Variants in TPCN1 observed in about 807,000 individuals in gnomAD.
TPCN1 encodes the protein two pore channel protein 1.
In TPCN1, 52 loss-of-function variants were observed where a neutral mutation model predicts 108.8. The observed-to-expected ratio is 0.48, with a 90% CI of 0.38 to 0.60. TPCN1 has a LOEUF of 0.60. Among genes scored for constraint, TPCN1 ranks in the 20% least tolerant of loss-of-function variants. TPCN1 has a pLI of 0.00. For missense variants in TPCN1, 806 were observed against 1,072.8 expected (o/e 0.75, Z 3.47); for synonymous variants, 446 against 433.7 (o/e 1.03, Z -0.35).
intron 7 of TPCN1, among the ~76,000 whole-genome samples, chr12:113,271,653 C>T (rs1340589653): frequency 6.6e-6 from 1 of 152,198 alleles, no homozygotes; most frequent in Non-Finnish European, 1.5e-5. Flanking sequence ...GCAAGTATGC[C>T]AAAGCTTGTT....
intron 10 of TPCN1, 62 bp from the exon 11 acceptor site, chr12:113,276,857 C>G: frequency 8.7e-7 from 1 of 1,143,648 alleles, no homozygotes; most frequent in Non-Finnish European, 1.3e-6. Flanking sequence ...TCATACCCCC[C>G]TGCACTCCCT....
chr12:113,273,819 G>A lies in TPCN1; in HGVS notation c.942+151G>A. The A allele has an allele frequency of 1.3e-6, 1 of 747,734 alleles. No individual in the cohort carries two copies. The highest frequency in any genetic ancestry group is 2.0e-5 in the Admixed American group (1 of 50,630). 46.3% of individuals were successfully genotyped at this position (747,734 alleles called of 1,614,324 possible). ...TCCCAGATTCATAGTCAGGTGCGGT[G>A]TTGCAGGGAATGCCCTGTCGGGACT... On this transcript the variant is annotated intron_variant, in intron 10 of 27. Coordinates refer to ENST00000335509, the MANE Select transcript of TPCN1 (RefSeq NM_017901.6). This position sits in a 1 kb window ranked among gnomAD's most constrained non-coding sequence, Gnocchi z 4.0.
Position 113,276,836 on chromosome 12 carries a change from A to G in TPCN1, c.943-83A>G, listed in dbSNP as rs547125028. 959 of 904,034 alleles carry G rather than the reference A, an allele frequency of 1.1e-3. 1 individual carries two copies. Among genetic ancestry groups the G allele is most frequent in the Admixed American group, 2.3e-3 (136 of 57,922 alleles). The allele number at this position is 904,034 out of a possible 1,614,324, so 56.0% of individuals were successfully genotyped here. ...GGGTGACTGGGTAAGAGCCTTGCCTAGATGATGAACTCATACCCCCCTGCA... is the reference window on the plus strand; with the variant it reads ...GGGTGACTGGGTAAGAGCCTTGCCTGGATGATGAACTCATACCCCCCTGCA... On this transcript the variant is annotated intron_variant, in intron 10 of 27. Transcript: ENST00000335509.
chr12:113,295,857 C>T (rs1466399948), intron 27 of TPCN1, 103 bp from the exon 28 acceptor site: 1 of 1,314,520 alleles, frequency 7.6e-7, no homozygotes, highest in African/African-American at 1.5e-5. Context: ...GCTGGCAGCC[C>T]TGCCCCTTCC....
chr12:113,269,685 T>C lies in TPCN1; in HGVS notation c.660-72T>C. 1.5e-6 allele frequency: 2 copies of C among 1,313,130 alleles called. No homozygotes were observed. The highest frequency in any genetic ancestry group is 3.6e-5 in the Admixed American group (2 of 56,284). The allele number at this position is 1,313,130 out of a possible 1,614,324, so 81.3% of individuals were successfully genotyped here. A position where few individuals can be genotyped will look rare whatever the true frequency, so the allele number is the denominator to read the frequency against. On this transcript the variant is annotated intron_variant, in intron 6 of 27. Transcript: ENST00000335509. The surrounding 1 kb of genome is among the most constrained non-coding windows in gnomAD (Gnocchi z 5.0). ...TCGAGTCAGAAGCACTAGGCCTCCA[T>C]CTCAACAAGGAGGAGTCCCAGGCAG...
At position 113,288,743 on chromosome 12, in the gene TPCN1, C is replaced by T. The variant is rs201374877; in HGVS notation, c.1707-15C>T. ...CCTGCCGGCCCCGCGTCACCCTGCC[C>T]CTGTCGCCCCACAGCCTGGGCCTCA... On this transcript the variant is annotated splice_polypyrimidine_tract_variant and intron_variant, in intron 20 of 27. Transcript: ENST00000335509. The surrounding 1 kb of genome is among the most constrained non-coding windows in gnomAD (Gnocchi z 4.8). 2.3e-4 allele frequency: 372 copies of T among 1,611,144 alleles called. 1 individual carries two copies. The highest frequency in any genetic ancestry group is 4.6e-5 in the Non-Finnish European group (54 of 1,179,942).
intron 14 of TPCN1, among the ~76,000 whole-genome samples, chr12:113,279,949 G>A (rs796346347): frequency 6.6e-6 from 1 of 152,120 alleles, no homozygotes; most frequent in South Asian, 2.1e-4. Context: ...TCTTGTCTGG[G>A]GGTCTGAGCA....
At chr12:113,295,927 A>G in intron 27 of TPCN1, 33 bp from the exon 28 acceptor site, 1 of 1,544,532 alleles carries the variant, frequency 6.5e-7, no homozygotes, top group East Asian at 2.4e-5. Flanking sequence ...GGTGGGGTGC[A>G]GCCCTCAGCA....
chr12:113,276,125 C>T (rs1955665352), intron 10 of TPCN1, among the ~76,000 whole-genome samples: 1 of 152,144 alleles, frequency 6.6e-6, no homozygotes, highest in African/African-American at 2.4e-5. Context: ...TTAGTAGTCG[C>T]AGCAGAGATC....
At chr12:113,228,498 C>T (rs891859449) in intron 2 of TPCN1, among the ~76,000 whole-genome samples, 5 of 152,070 alleles carry the variant, frequency 3.3e-5, no homozygotes, top group Admixed American at 3.3e-4. Flanking sequence ...GCCTGTAGTC[C>T]CAGCTACTCA....
chr12:113,287,277 G>A (rs1031026530), intron 19 of TPCN1, 183 bp downstream of exon 19: 4 of 595,616 alleles, frequency 6.7e-6, no homozygotes, highest in Non-Finnish European at 1.2e-5. Context: ...CAGGCTGCCT[G>A]TGCCCTTCCC....
In TPCN1 at chr12:113,284,644, C is replaced by T. The variant is rs201250625; in HGVS notation, c.1399+7C>T. 3.8e-5 allele frequency: 62 copies of T among 1,614,210 alleles called. No homozygotes were observed. The Admixed American group carries it at 9.0e-4, about 23-fold the overall frequency. ...GAGACATTTATGCTGAAAGGTGAGC[C>T]CCGCTCAGGGACTGGCCGTGTCCTG... On this transcript the variant is annotated splice_region_variant and intron_variant, in intron 16 of 27. Transcript: ENST00000335509. The surrounding 1 kb of genome is among the most constrained non-coding windows in gnomAD (Gnocchi z 4.1).
intron 2 of TPCN1, among the ~76,000 whole-genome samples, chr12:113,227,742 C>T (rs540376395): frequency 2.8e-4 from 42 of 152,272 alleles, no homozygotes; most frequent in African/African-American, 9.9e-4. Context: ...GATGTTCCAC[C>T]GTCTCCCAGT....
Position 113,277,045 on chromosome 12 carries a change from A to G in TPCN1, c.1059+10A>G, listed in dbSNP as rs745894919. 4 of 1,611,884 alleles carry G rather than the reference A, an allele frequency of 2.5e-6. No homozygotes were observed. In the Admixed American group the frequency reaches 6.7e-5, roughly 27 times the overall value. ...GCTCATCAGCCAGAGGGTAGGAACTATGGGCCAGGGAGGGGCTTGGTCCCT... is the reference window on the plus strand; with the variant it reads ...GCTCATCAGCCAGAGGGTAGGAACTGTGGGCCAGGGAGGGGCTTGGTCCCT... On this transcript the variant is annotated intron_variant, in intron 11 of 27. Coordinates refer to ENST00000335509, the MANE Select transcript of TPCN1 (RefSeq NM_017901.6).
At chr12:113,252,247 G>T (rs1481786471) in intron 2 of TPCN1, among the ~76,000 whole-genome samples, 1 of 152,190 alleles carries the variant, frequency 6.6e-6, no homozygotes, top group Non-Finnish European at 1.5e-5. Context: ...GGAGAAACCT[G>T]TTGCTGGGAG....
At chr12:113,276,182 A>C (rs953942607) in intron 10 of TPCN1, among the ~76,000 whole-genome samples, 2 of 152,228 alleles carry the variant, frequency 1.3e-5, no homozygotes, top group Non-Finnish European at 2.9e-5. Flanking sequence ...CCCTTTACAG[A>C]AAAAGCATGC....
chr12:113,239,401 G>A (rs1954018328), intron 2 of TPCN1, among the ~76,000 whole-genome samples: 1 of 152,206 alleles, frequency 6.6e-6, no homozygotes, highest in African/African-American at 2.4e-5. Context: ...GTTAATGGCT[G>A]TTGTTTTAGG....
rs1318005071 is a variant in TPCN1, at chr12:113,266,583, C to T, written c.414+227C>T. Among the ~76,000 whole-genome samples the T allele has an allele frequency of 2.6e-5, 4 of 152,204 alleles. No homozygotes were observed. Among genetic ancestry groups the T allele is most frequent in the Non-Finnish European group, 5.9e-5 (4 of 68,030 alleles). Reference sequence around the variant, plus strand: ...TGGGATTCTGCCCACCAGTAAATTCCAGGGAGGGGAAGTGTCCCAGGCCCT... The same window carrying T: ...TGGGATTCTGCCCACCAGTAAATTCTAGGGAGGGGAAGTGTCCCAGGCCCT... On this transcript the variant is annotated intron_variant, in intron 4 of 27. Coordinates refer to ENST00000335509, the MANE Select transcript of TPCN1 (RefSeq NM_017901.6). This position sits in a 1 kb window ranked among gnomAD's most constrained non-coding sequence, Gnocchi z 4.2.
Position 113,288,107 on chromosome 12 carries a change from G to A in TPCN1, c.1635-56G>A. ...AAGGCGGGGCCGGCATGTTCTGAGG[G>A]CGGGGGCTGAGGCGTGCACCTGTGT... On this transcript the variant is annotated intron_variant, in intron 19 of 27. Coordinates refer to ENST00000335509, the MANE Select transcript of TPCN1 (RefSeq NM_017901.6). This position sits in a 1 kb window ranked among gnomAD's most constrained non-coding sequence, Gnocchi z 4.8. 1 of 1,531,916 alleles carries A rather than the reference G, an allele frequency of 6.5e-7. No individual in the cohort carries two copies. The highest frequency in any genetic ancestry group is 8.9e-7 in the Non-Finnish European group (1 of 1,118,806). The allele number at this position is 1,531,916 out of a possible 1,614,324, so 94.9% of individuals were successfully genotyped here.
Sources: allele counts gnomAD v4.1 joint callset (sites outside exome capture counted in the v4.1 genomes callset), GRCh38; gene constraint gnomAD v4.1.1; non-coding constraint Gnocchi (gnomAD v3.1); transcripts MANE v1.5; gene names NCBI Gene and HGNC (gene_info 2026-07-23, HGNC 2026-07-21).